EPM2A: variants seen among roughly 807,000 people sequenced by gnomAD.
EPM2A encodes the protein laforin.
EPM2A carries 21 observed loss-of-function variants against 26.5 expected under a neutral mutation model. The observed-to-expected ratio is 0.79, with a 90% confidence interval of 0.56 to 1.14. The LOEUF is 1.14. EPM2A is among the 50% of genes most tolerant of loss of function. The pLI is 0.00. For synonymous variants in EPM2A, 217 were observed against 177.6 expected (o/e 1.22, Z -1.76); for missense variants, 458 against 440.8 (o/e 1.04, Z -0.35).
chr6:145,448,864 C>T (rs888245512), intron 4 of EPM2A, among the ~76,000 whole-genome samples: 5 of 150,800 alleles, frequency 3.3e-5, no homozygotes, highest in Admixed American at 6.6e-5. Flanking sequence ...TTTTTCAAAA[C>T]ATTCTCTTAG....
intron 1 of EPM2A, among the ~76,000 whole-genome samples, chr6:145,703,205 C>A (rs1431313504): frequency 6.6e-6 from 1 of 151,648 alleles, no homozygotes; most frequent in Admixed American, 6.6e-5. Context: ...CACTCTCCTG[C>A]CTCAGCCTCC....
chr6:145,715,070 C>T (rs1218095725), intron 1 of EPM2A, among the ~76,000 whole-genome samples: 4 of 152,042 alleles, frequency 2.6e-5, no homozygotes, highest in Admixed American at 2.0e-4. Context: ...AACAGGGAGG[C>T]TCACTGAGCA....
intron 1 of EPM2A, among the ~76,000 whole-genome samples, chr6:145,696,634 G>C (rs1038332485): frequency 2.6e-5 from 4 of 152,016 alleles, no homozygotes; most frequent in Admixed American, 6.6e-5. Context: ...ACAGGTACTA[G>C]AATTAGAGAT....
chr6:145,484,155 G>A (rs1779645254), intron 4 of EPM2A, among the ~76,000 whole-genome samples: 1 of 152,056 alleles, frequency 6.6e-6, no homozygotes, highest in Non-Finnish European at 1.5e-5. Context: ...TGAATAGTAA[G>A]TAGATTTTCT....
intron 2 of EPM2A, among the ~76,000 whole-genome samples, chr6:145,537,527 G>A (rs1780448101): frequency 6.7e-6 from 1 of 150,116 alleles, no homozygotes; most frequent in South Asian, 2.1e-4. Flanking sequence ...GTTATCCTAA[G>A]CTTTGGGTTA....
intron 1 of EPM2A, among the ~76,000 whole-genome samples, chr6:145,697,589 C>T (rs1006912444): frequency 2.0e-5 from 3 of 152,004 alleles, no homozygotes; most frequent in African/African-American, 7.3e-5. Context: ...TACGGCTCGA[C>T]CATAAAAGAT....
intron 4 of EPM2A, among the ~76,000 whole-genome samples, chr6:145,477,370 C>A (rs926056771): frequency 1.3e-5 from 2 of 151,830 alleles, no homozygotes; most frequent in African/African-American, 4.8e-5. Flanking sequence ...TAATACCAAT[C>A]CTACTCAAAA....
chr6:145,519,824 C>T (rs1463452255), intron 2 of EPM2A, among the ~76,000 whole-genome samples: 1 of 152,228 alleles, frequency 6.6e-6, no homozygotes, highest in Non-Finnish European at 1.5e-5. Flanking sequence ...ATTCAATCCT[C>T]ATAGAATCCT....
exon 4 of EPM2A, chr6:145,501,596 T>C (rs1441394299): frequency 3.2e-6 from 1 of 313,946 alleles, no homozygotes; most frequent in Non-Finnish European, 6.3e-6. Context: ...GGAGGAGTAA[T>C]TTCTTATTTG....
At chr6:145,606,484 T>G (rs1338524930) in intron 2 of EPM2A, among the ~76,000 whole-genome samples, 1 of 152,064 alleles carries the variant, frequency 6.6e-6, no homozygotes, top group Non-Finnish European at 1.5e-5. Flanking sequence ...AAATACTGTA[T>G]TAAACTTTTA....
At chr6:145,553,146 C>A (rs1209654874) in intron 2 of EPM2A, among the ~76,000 whole-genome samples, 1 of 152,006 alleles carries the variant, frequency 6.6e-6, no homozygotes, top group East Asian at 1.9e-4. Flanking sequence ...TTACAAGTGT[C>A]TGGAATTTCC....
chr6:145,694,342 T>A (rs1388251893), intron 1 of EPM2A, among the ~76,000 whole-genome samples: 1 of 152,034 alleles, frequency 6.6e-6, no homozygotes, highest in Non-Finnish European at 1.5e-5. Context: ...CATTACAAAC[T>A]CTTCGGCACT....
At chr6:145,478,839 A>C (rs1779576991) in intron 4 of EPM2A, among the ~76,000 whole-genome samples, 1 of 151,858 alleles carries the variant, frequency 6.6e-6, no homozygotes, top group Non-Finnish European at 1.5e-5. Context: ...TTGCATAAAT[A>C]CCAGATAATG....
intron 2 of EPM2A, among the ~76,000 whole-genome samples, chr6:145,608,663 G>C (rs1024370405): frequency 6.6e-6 from 1 of 152,188 alleles, no homozygotes; most frequent in Non-Finnish European, 1.5e-5. Context: ...AAGAAGAGCT[G>C]TTTGGGGGTC....
chr6:145,596,943 G>A (rs1398251182), intron 2 of EPM2A, among the ~76,000 whole-genome samples: 2 of 103,416 alleles, frequency 1.9e-5, no homozygotes, highest in Non-Finnish European at 3.7e-5. Context: ...GCCGGACTGC[G>A]GACTGCAGTG....
intron 2 of EPM2A, among the ~76,000 whole-genome samples, chr6:145,558,910 T>C (rs1214208612): frequency 2.0e-5 from 3 of 152,068 alleles, no homozygotes; most frequent in Non-Finnish European, 2.9e-5. Context: ...CCCTCTATTA[T>C]GCTTTTATAA....
rs138073843 is a variant in EPM2A at position 145,535,179 on chromosome 6, C to T, written c.341-32604G>A. On this transcript the variant is annotated intron_variant, in intron 2 of 3. Transcript: ENST00000450221. Reference sequence around the variant, plus strand: ...CACCCTTGGATCATGAGACACGCAGCATTAAACAAGCCAGGCAAGGCTCCA... The same window carrying T: ...CACCCTTGGATCATGAGACACGCAGTATTAAACAAGCCAGGCAAGGCTCCA... Among the ~76,000 whole-genome samples, 35 of 152,328 alleles carry T rather than the reference C, an allele frequency of 2.3e-4. No individual in the cohort carries two copies. The East Asian group carries it at 6.4e-3, about 28-fold the overall frequency.
intron 2 of EPM2A, among the ~76,000 whole-genome samples, chr6:145,563,780 C>T (rs1476302526): frequency 6.6e-6 from 1 of 152,030 alleles, no homozygotes; most frequent in Non-Finnish European, 1.5e-5. Context: ...CCCACCTCAC[C>T]CCCACCCTCA....
At chr6:145,502,368 A>C (rs1582803834) in intron 3 of EPM2A, among the ~76,000 whole-genome samples, 1 of 152,356 alleles carries the variant, frequency 6.6e-6, no homozygotes, top group South Asian at 2.1e-4. Context: ...CCTTATTTCC[A>C]GAATTCCTTG....
Sources: allele counts gnomAD v4.1 joint callset (sites outside exome capture counted in the v4.1 genomes callset), GRCh38; gene constraint gnomAD v4.1.1; transcripts MANE v1.5; gene names NCBI Gene and HGNC (gene_info 2026-07-23, HGNC 2026-07-21).